Variants in TMEM255B observed in about 807,000 individuals in gnomAD.
The protein encoded by TMEM255B is transmembrane protein 255B, also known as family with sequence similarity 70, member B.
A neutral mutation model predicts 34.5 loss-of-function variants in TMEM255B; 35 were observed. That is an observed-to-expected ratio of 1.01 (90% CI 0.77 to 1.34). TMEM255B has a LOEUF of 1.34. TMEM255B is among the 40% of genes most tolerant of loss of function. The pLI is 0.00. For missense variants in TMEM255B, 432 were observed against 433.2 expected (o/e 1.00, Z 0.02); for synonymous variants, 206 against 201.2 (o/e 1.02, Z -0.20).
In TMEM255B at chr13:113,806,705, G is replaced by A. The variant is rs1403031180; in HGVS notation, c.813+1677G>A. On this transcript the variant is annotated intron_variant, in intron 8 of 8. Transcript: ENST00000375353. This position sits in a 1 kb window ranked among gnomAD's most constrained non-coding sequence, Gnocchi z 4.2. The stretch of plus-strand genomic sequence containing the variant: ...AGCCTCCTGCCCCTGCCCCAGGGAC[G>A]TCCCCATCATGGCAGGGACCGTGCC... Among the ~76,000 whole-genome samples, 3 of 152,064 alleles carry A rather than the reference G, an allele frequency of 2.0e-5. No homozygotes were observed. The highest frequency in any genetic ancestry group is 4.8e-5 in the African/African-American group (2 of 41,410).
intron 3 of TMEM255B, among the ~76,000 whole-genome samples, chr13:113,780,594 T>C (rs1328441418): frequency 6.6e-6 from 1 of 152,244 alleles, no homozygotes; most frequent in Non-Finnish European, 1.5e-5. Flanking sequence ...ATTGGTTCAG[T>C]TCATGTAGTT....
chr13:113,778,234 G>A (rs1337083978), intron 3 of TMEM255B, among the ~76,000 whole-genome samples: 1 of 152,226 alleles, frequency 6.6e-6, no homozygotes, highest in Admixed American at 6.5e-5. Flanking sequence ...GTGGAGATGT[G>A]AGGGAGGGAA....
intron 3 of TMEM255B, among the ~76,000 whole-genome samples, chr13:113,787,778 G>A (rs554943992): frequency 9.2e-5 from 14 of 151,622 alleles, no homozygotes; most frequent in Admixed American, 4.6e-4. Flanking sequence ...GGTGAATCGC[G>A]TCAGCTGGGG....
chr13:113,780,707 T>G (rs953947661), intron 3 of TMEM255B, among the ~76,000 whole-genome samples: 4 of 152,200 alleles, frequency 2.6e-5, no homozygotes, highest in African/African-American at 7.2e-5. Context: ...ATCAGAAACC[T>G]GTATTGAAGA....
Position 113,799,217 on chromosome 13 carries a change from A to G in TMEM255B, c.343-122A>G, listed in dbSNP as rs1049779411. 1.3e-5 allele frequency: 11 copies of G among 819,228 alleles called. No individual in the cohort carries two copies. In the African/African-American group the frequency reaches 1.9e-4, roughly 14 times the overall value. The allele number at this position is 819,228 out of a possible 1,614,324, so 50.7% of individuals were successfully genotyped here. A position where few individuals can be genotyped will look rare whatever the true frequency, so the allele number is the denominator to read the frequency against. ...TTGTGTTCTGTGTCTGGGAGGCTCAAGTTGGTGTTGGCCTTGGTCCTTGAG... is the reference window on the plus strand; with the variant it reads ...TTGTGTTCTGTGTCTGGGAGGCTCAGGTTGGTGTTGGCCTTGGTCCTTGAG... On this transcript the variant is annotated intron_variant, in intron 4 of 8. Coordinates refer to ENST00000375353, the MANE Select transcript of TMEM255B (RefSeq NM_182614.4).
chr13:113,790,999 A>G (rs74118484), intron 3 of TMEM255B, among the ~76,000 whole-genome samples: 9,518 of 152,288 alleles, frequency 0.062, 986 homozygotes, highest in African/African-American at 0.22. Flanking sequence ...GTTATGCATG[A>G]CCAAGTTTGA....
Position 113,766,159 on chromosome 13 carries a change from T to C in TMEM255B, c.91T>C (p.Ser31Pro). 1 of 1,614,036 alleles carries C rather than the reference T, an allele frequency of 6.2e-7. No homozygotes were observed. The highest frequency in any genetic ancestry group is 8.5e-7 in the Non-Finnish European group (1 of 1,179,998). The change falls in exon 2 of 9, where the codon TCT becomes CCT. Residue 31 changes from serine to proline, a missense_variant. Ser to Pro is a moderately conservative substitution (Grantham distance 74, BLOSUM62 -1). Coordinates refer to ENST00000375353, the MANE Select transcript of TMEM255B (RefSeq NM_182614.4). Reference sequence around the variant, plus strand: ...GAAGACGTCGCTCTGGTTTGTGGGGTCTCTGCTGCTGGTGTCCGTCCTCAT... The same window carrying C: ...GAAGACGTCGCTCTGGTTTGTGGGGCCTCTGCTGCTGGTGTCCGTCCTCAT... ...RKKTSLWFVGSLLLVSVLIVT... is the reference protein window; with the variant it reads ...RKKTSLWFVGPLLLVSVLIVT...
chr13:113,769,222 A>C lies in TMEM255B; in HGVS notation c.252+62A>C. 1.9e-6 allele frequency: 3 copies of C among 1,580,574 alleles called. No homozygotes were observed. The South Asian group carries it at 3.3e-5, about 18-fold the overall frequency. On this transcript the variant is annotated intron_variant, in intron 3 of 8. Transcript: ENST00000375353. This position sits in a 1 kb window ranked among gnomAD's most constrained non-coding sequence, Gnocchi z 4.2. The stretch of plus-strand genomic sequence containing the variant: ...CCTCATCAGGGGATGGTACAGCTGC[A>C]CTGGGGCTCTGAGAAGAGTCAGCCC...
At chr13:113,801,598 C>T (rs759991904) in intron 6 of TMEM255B, 55 bp from the exon 7 acceptor site, 12 of 1,531,330 alleles carry the variant, frequency 7.8e-6, no homozygotes, top group Non-Finnish European at 1.1e-5. Context: ...ACAAGTTTAA[C>T]TTGCGGGTGG....
At chr13:113,773,957 G>A (rs1021730391) in intron 3 of TMEM255B, among the ~76,000 whole-genome samples, 2 of 152,180 alleles carry the variant, frequency 1.3e-5, no homozygotes, top group Admixed American at 6.5e-5. Context: ...CAGAGAGAAC[G>A]AGTGTATTTC....
intron 3 of TMEM255B, among the ~76,000 whole-genome samples, chr13:113,794,211 C>T (rs114173202): frequency 0.02 from 3,034 of 152,208 alleles, 95 homozygotes; most frequent in African/African-American, 0.069. Context: ...CTCTGCCGGG[C>T]GTCTTTGCAA....
intron 4 of TMEM255B, among the ~76,000 whole-genome samples, chr13:113,795,971 C>A (rs1411425612): frequency 5.6e-5 from 8 of 142,964 alleles, no homozygotes; most frequent in African/African-American, 2.1e-4. Flanking sequence ...ACAGAGCACA[C>A]AGCACACACA....
chr13:113,776,637 C>A (rs754740136), intron 3 of TMEM255B, among the ~76,000 whole-genome samples: 2 of 152,214 alleles, frequency 1.3e-5, no homozygotes, highest in Non-Finnish European at 2.9e-5. Context: ...AGCCTTGCCT[C>A]CCTGGGCACG....
At chr13:113,802,309 A>G (rs2051080804) in intron 7 of TMEM255B, among the ~76,000 whole-genome samples, 1 of 152,200 alleles carries the variant, frequency 6.6e-6, no homozygotes, top group Non-Finnish European at 1.5e-5. Flanking sequence ...CCGGGAAACC[A>G]CAGGGAAATC....
intron 2 of TMEM255B, 126 bp from the exon 3 acceptor site, chr13:113,768,972 A>G: frequency 1.0e-6 from 1 of 985,338 alleles, no homozygotes; most frequent in African/African-American, 1.6e-5. Context: ...TTCTTGAGGT[A>G]GGGATGTCTG....
Position 113,769,076 on chromosome 13 carries a change from C to G in TMEM255B, c.190-22C>G. The G allele has an allele frequency of 6.2e-7, 1 of 1,613,876 alleles. No individual in the cohort carries two copies. Among genetic ancestry groups the G allele is most frequent in the Non-Finnish European group, 8.5e-7 (1 of 1,179,766 alleles). On this transcript the variant is annotated intron_variant, in intron 2 of 8. Coordinates refer to ENST00000375353, the MANE Select transcript of TMEM255B (RefSeq NM_182614.4). This position sits in a 1 kb window ranked among gnomAD's most constrained non-coding sequence, Gnocchi z 4.2. ...TAGGCACGTTAATGAGTGTTTCTCT[C>G]TCGTTCTTCCTTTGGTTTTAGCTCG...
intron 3 of TMEM255B, among the ~76,000 whole-genome samples, chr13:113,772,114 C>T (rs1355276199): frequency 6.6e-6 from 1 of 152,210 alleles, no homozygotes; most frequent in Non-Finnish European, 1.5e-5. Context: ...AGCATCTCTT[C>T]ATGTGCCTAT....
chr13:113,774,915 CACAAT>C (rs1171021344), intron 3 of TMEM255B, among the ~76,000 whole-genome samples: 1 of 150,382 alleles, frequency 6.6e-6, no homozygotes, highest in African/African-American at 2.4e-5. Context: ...ACACACTCCA[CACAAT>C]ACACTACTCA....
At chr13:113,804,641 CGCCGGGCCGGGGTT>C (rs2051131189) in intron 7 of TMEM255B, among the ~76,000 whole-genome samples, 2 of 144,564 alleles carry the variant, frequency 1.4e-5, no homozygotes, top group Non-Finnish European at 3.1e-5. Flanking sequence ...TATAAACGCA[CGCCGGGCCGGGGTT>C]AGCTCCAGCC....
Sources: gnomAD v4.1 joint callset for allele counts (sites outside exome capture counted in the v4.1 genomes callset) on GRCh38, gnomAD v4.1.1 for gene constraint, Gnocchi (gnomAD v3.1) non-coding constraint, MANE v1.5 for transcripts, NCBI Gene and HGNC (gene_info 2026-07-23, HGNC 2026-07-21) for gene names.